The following MYO16 variants were observed in gnomAD, a reference collection of about 807,000 sequenced individuals.
The protein encoded by MYO16 is myosin XVI, also known as unconventional myosin-XVI.
In MYO16, 94 loss-of-function variants were observed where a neutral mutation model predicts 205.3. That is an observed-to-expected ratio of 0.46 (90% CI 0.39 to 0.54). The LOEUF is 0.54. MYO16 is among the 20% of genes least tolerant of loss of function. The probability of loss-of-function intolerance (pLI) is 0.00; values close to 1 mark genes in which losing one functional copy is unlikely to be tolerated. For synonymous variants in MYO16, 988 were observed against 954.0 expected, an observed-to-expected ratio of 1.04 and a Z score of -0.66; for missense variants, 2,315 against 2,387.5, an observed-to-expected ratio of 0.97 and a Z score of 0.63.
intron 1 of MYO16, among the ~76,000 whole-genome samples, chr13:108,641,309 T>A (rs1294402462): frequency 6.6e-6 from 1 of 152,124 alleles, no homozygotes; most frequent in Non-Finnish European, 1.5e-5. Flanking sequence ...TAAAGGCAAA[T>A]AGCTTCAGGG....
chr13:108,797,049 A>C (rs919291872), intron 6 of MYO16, among the ~76,000 whole-genome samples: 6 of 152,170 alleles, frequency 3.9e-5, no homozygotes, highest in Middle Eastern at 3.2e-3. Flanking sequence ...CTCAGACAAC[A>C]GGGGTAGAAT....
chr13:109,014,714 A>G (rs1003121078), intron 22 of MYO16, among the ~76,000 whole-genome samples: 1 of 152,054 alleles, frequency 6.6e-6, no homozygotes, highest in Non-Finnish European at 1.5e-5. Context: ...TAGGTATTTT[A>G]TTCTCTTTGT....
Position 109,022,845 on chromosome 13 carries a change from TTATA to T in MYO16, c.2796+2938_2796+2941del, listed in dbSNP as rs1182489845. 2.9e-5 allele frequency among the ~76,000 whole-genome samples: 4 copies of T among 137,002 alleles called. No homozygotes were observed. In the Admixed American group the frequency reaches 3.1e-4, roughly 11 times the overall value. 89.9% of individuals were successfully genotyped at this position (137,002 alleles called of 152,430 possible). A position where few individuals can be genotyped will look rare whatever the true frequency, so the allele number is the denominator to read the frequency against. On this transcript the variant is annotated intron_variant, in intron 23 of 34. Transcript: ENST00000457511. ...CTCAATATATAAACATAGTATATAT[TTATA>T]TATTATACTCAATATATAAACATGT...
intron 34 of MYO16, among the ~76,000 whole-genome samples, chr13:109,195,767 C>CAAAG (rs1338563729): frequency 6.6e-6 from 1 of 152,002 alleles, no homozygotes; most frequent in African/African-American, 2.4e-5. Context: ...AATTATTTAA[C>CAAAG]AAAGACTATT....
At chr13:108,911,898 G>A (rs1881285003) in intron 16 of MYO16, among the ~76,000 whole-genome samples, 1 of 152,256 alleles carries the variant, frequency 6.6e-6, no homozygotes, top group South Asian at 2.1e-4. Flanking sequence ...AAGAGATCAA[G>A]AATGATTCCT....
chr13:109,165,074 A>G lies in MYO16; in HGVS notation c.5323+15A>G. 6.3e-7 allele frequency: 1 copy of G among 1,579,786 alleles called. No individual in the cohort carries two copies. The highest frequency in any genetic ancestry group is 8.6e-7 in the Non-Finnish European group (1 of 1,163,822). ...CATCTCAAATGGTAAGCACTTTTTA[A>G]ACTCAGAAGTAAATGTACAAAAGTT... is the stretch of plus-strand genomic sequence containing the variant. On this transcript the variant is annotated intron_variant, in intron 33 of 34. Coordinates refer to ENST00000457511, the MANE Select transcript of MYO16 (RefSeq NM_001198950.3).
intron 21 of MYO16, among the ~76,000 whole-genome samples, chr13:108,994,992 A>G (rs567834937): frequency 1.8e-4 from 27 of 152,328 alleles, no homozygotes; most frequent in African/African-American, 6.3e-4. Context: ...TAGCTCCAAA[A>G]GATTAAATGG....
chr13:108,646,071 C>T (rs903605138), intron 1 of MYO16, among the ~76,000 whole-genome samples: 1 of 152,210 alleles, frequency 6.6e-6, no homozygotes, highest in Non-Finnish European at 1.5e-5. Flanking sequence ...TCCTCTGGGG[C>T]ACTACATTTT....
intron 28 of MYO16, among the ~76,000 whole-genome samples, chr13:109,111,554 A>G (rs1258078297): frequency 2.0e-5 from 3 of 152,220 alleles, no homozygotes; most frequent in Admixed American, 6.5e-5. Flanking sequence ...TTAGAGCAAG[A>G]GGGGTTAACA....
At chr13:108,593,461 GCACCTGAGACAC>G (rs984761520), upstream of MYO16, among the ~76,000 whole-genome samples, 2 of 152,126 alleles carry the variant, frequency 1.3e-5, no homozygotes, top group Non-Finnish European at 1.5e-5. Flanking sequence ...TCACCTGGAC[GCACCTGAGACAC>G]CACCCACGGC....
At chr13:109,088,811 G>T (rs1594075139) in intron 27 of MYO16, among the ~76,000 whole-genome samples, 1 of 152,302 alleles carries the variant, frequency 6.6e-6, no homozygotes, top group East Asian at 1.9e-4. Context: ...GGCCACAGCA[G>T]CCTGGCCATG....
chr13:109,156,049 T>C (rs1878003560), intron 32 of MYO16, among the ~76,000 whole-genome samples: 1 of 152,152 alleles, frequency 6.6e-6, no homozygotes, highest in Non-Finnish European at 1.5e-5. Flanking sequence ...TTGAGAGGGG[T>C]GTCAAAGCCC....
At chr13:108,559,470 C>CTTTTTTTTTTTTTTTTTTT in the MYO16 span, among the ~76,000 whole-genome samples, 65 of 87,426 alleles carry the variant, frequency 7.4e-4, no homozygotes, top group Non-Finnish European at 9.3e-4. Context: ...TTTTTCTTTT[C>CTTTTTTTTTTTTTTTTTTT]TTTTTTTTTT....
At chr13:108,990,193 A>G (rs991102403) in intron 20 of MYO16, among the ~76,000 whole-genome samples, 1 of 151,590 alleles carries the variant, frequency 6.6e-6, no homozygotes, top group African/African-American at 2.4e-5. Flanking sequence ...CGACCAAAAC[A>G]AACAAAAAAT....
intron 4 of MYO16, among the ~76,000 whole-genome samples, chr13:108,736,771 A>G (rs1271420159): frequency 1.3e-5 from 2 of 152,214 alleles, no homozygotes; most frequent in African/African-American, 4.8e-5. Context: ...CTTCCTATCC[A>G]TGAGCATGGA....
intron 23 of MYO16, among the ~76,000 whole-genome samples, chr13:109,022,620 G>GTA (rs1206739100): frequency 1.6e-5 from 2 of 126,336 alleles, no homozygotes; most frequent in Non-Finnish European, 3.2e-5. Context: ...ATAAACATAT[G>GTA]TATATATATT....
intron 20 of MYO16, among the ~76,000 whole-genome samples, chr13:108,978,541 T>C (rs1884350920): frequency 6.6e-6 from 1 of 152,102 alleles, no homozygotes; most frequent in Non-Finnish European, 1.5e-5. Context: ...GTTTATTTTT[T>C]GATGTTGAAT....
intron 34 of MYO16, among the ~76,000 whole-genome samples, chr13:109,189,763 A>G (rs1879832894): frequency 1.3e-5 from 2 of 152,178 alleles, no homozygotes. Flanking sequence ...TGAAGTTCTG[A>G]GTTTCCTTCT....
intron 27 of MYO16, among the ~76,000 whole-genome samples, chr13:109,059,541 G>A (rs1487645513): frequency 6.6e-6 from 1 of 152,076 alleles, no homozygotes; most frequent in Admixed American, 6.6e-5. Flanking sequence ...TCATATGTTT[G>A]TTGGCCGCAT....
Sources: gnomAD v4.1 joint callset for allele counts (sites outside exome capture counted in the v4.1 genomes callset) on GRCh38, gnomAD v4.1.1 for gene constraint, MANE v1.5 for transcripts, NCBI Gene and HGNC (gene_info 2026-07-23, HGNC 2026-07-21) for gene names.